Variants in CD84 observed in about 807,000 individuals in gnomAD.
The protein encoded by CD84 is CD84 molecule.
Under a neutral mutation model 33.8 loss-of-function variants are expected in CD84, and 22 were observed. That is an observed-to-expected ratio of 0.65 (90% CI 0.46 to 0.93). CD84 has a LOEUF of 0.93. Among genes scored for constraint, CD84 ranks in the 40% least tolerant of loss-of-function variants. The pLI is 0.00. For synonymous variants in CD84, 154 were observed against 145.2 expected (o/e 1.06, Z -0.44); for missense variants, 400 against 397.6 (o/e 1.01, Z -0.05).
chr1:160,551,719 A>G (rs1247865226), intron 4 of CD84, among the ~76,000 whole-genome samples: 1 of 152,010 alleles, frequency 6.6e-6, no homozygotes, highest in Admixed American at 6.6e-5. Flanking sequence ...AATTTTTTGT[A>G]TTTTTGGTAG....
In CD84 at chr1:160,579,421, A is replaced by G; in HGVS notation, c.17T>C (p.Leu6Pro). MAQHHLWILLLCLQTW... is the reference protein window; with the variant it reads MAQHHPWILLLCLQTW... ...TTGCAGGCAAAGGAGCAAGATCCAT[A>G]GGTGGTGCTGAGCCATCTCTTTCAG... The change falls in exon 1 of 7, where the codon CTA becomes CCA. Residue 6 changes from leucine to proline, a missense_variant. By Grantham distance (98) the Leu-to-Pro change is moderately conservative. Transcript: ENST00000368054. 6.2e-7 allele frequency: 1 copy of G among 1,613,284 alleles called. No homozygotes were observed. The highest frequency in any genetic ancestry group is 8.5e-7 in the Non-Finnish European group (1 of 1,179,428).
At chr1:160,553,183 A>G in intron 4 of CD84, 195 bp downstream of exon 4, 1 of 875,422 alleles carries the variant, frequency 1.1e-6, no homozygotes, top group Admixed American at 2.2e-5. Context: ...GATCTCAGGA[A>G]TGGATTCTGA....
chr1:160,550,237 T>C (rs1403175851), intron 5 of CD84, among the ~76,000 whole-genome samples: 1 of 151,924 alleles, frequency 6.6e-6, no homozygotes, highest in Non-Finnish European at 1.5e-5. Context: ...GATCCCATGG[T>C]TCAGGATGAG....
At chr1:160,563,544 G>A (rs1157289091) in intron 2 of CD84, among the ~76,000 whole-genome samples, 3 of 152,050 alleles carry the variant, frequency 2.0e-5, no homozygotes, top group Non-Finnish European at 4.4e-5. Flanking sequence ...GGAGATGAAT[G>A]ATGAGAACAC....
At chr1:160,569,538 A>ACACACG (rs1553233848) in intron 1 of CD84, among the ~76,000 whole-genome samples, 2 of 88,158 alleles carry the variant, frequency 2.3e-5, no homozygotes, top group African/African-American at 7.2e-5. Flanking sequence ...ACACACACAC[A>ACACACG]CACGCACGCA....
intron 1 of CD84, among the ~76,000 whole-genome samples, chr1:160,573,907 G>A (rs1238864806): frequency 6.6e-6 from 1 of 151,930 alleles, no homozygotes; most frequent in Non-Finnish European, 1.5e-5. Context: ...GAAACACAAT[G>A]AGATCCCATC....
rs776360628 is a variant in CD84, at chr1:160,548,338, C to T, written c.922-17G>A. 6.2e-6 allele frequency: 10 copies of T among 1,613,882 alleles called. No individual in the cohort carries two copies. Among genetic ancestry groups the T allele is most frequent in the African/African-American group, 2.7e-5 (2 of 74,906 alleles). On this transcript the variant is annotated splice_polypyrimidine_tract_variant and intron_variant, in intron 6 of 6. Coordinates refer to ENST00000368054, the MANE Select transcript of CD84 (RefSeq NM_003874.4). ...TTTCCCCATCTGTGCAGGAGAGAAG[C>T]GTGAGAAAATGTTAACTGAGAGGTG...
At chr1:160,552,743 G>A in intron 4 of CD84, 2 of 1,545,522 alleles carry the variant, frequency 1.3e-6, no homozygotes, top group South Asian at 2.4e-5. Context: ...GGAACCTGAG[G>A]AATCAGACCC....
At chr1:160,559,540 C>A (rs1388259315) in intron 2 of CD84, among the ~76,000 whole-genome samples, 1 of 152,066 alleles carries the variant, frequency 6.6e-6, no homozygotes. Context: ...CTGAAGTATG[C>A]AGACCAGTGA....
At chr1:160,551,225 G>A in intron 4 of CD84, 190 bp from the exon 5 acceptor site, 1 of 571,912 alleles carries the variant, frequency 1.7e-6, no homozygotes, top group Non-Finnish European at 3.1e-6. Context: ...TCACCCACAG[G>A]TCAATGGGAA....
chr1:160,571,658 A>T (rs1484938605), intron 1 of CD84, among the ~76,000 whole-genome samples: 1 of 151,980 alleles, frequency 6.6e-6, no homozygotes, highest in Non-Finnish European at 1.5e-5. Context: ...AAAATAGAAG[A>T]GACTGGGGGC....
intron 2 of CD84, among the ~76,000 whole-genome samples, chr1:160,562,179 T>C (rs145912482): frequency 1.3e-5 from 2 of 152,312 alleles, no homozygotes; most frequent in African/African-American, 4.8e-5. Flanking sequence ...TTCTAAGCTA[T>C]TCACATTAGA....
rs1553230426 is a variant in CD84 at position 160,543,624 on chromosome 1, T to TTATTATTAC, written c.*4631_*4632insGTAATAATA. 9.4e-5 allele frequency: 14 copies of TTATTATTAC among 148,346 alleles called. No individual in the cohort carries two copies. The highest frequency in any genetic ancestry group is 3.2e-4 in the African/African-American group (13 of 40,798). 9.2% of individuals were successfully genotyped at this position (148,346 alleles called of 1,614,324 possible). On this transcript the variant is annotated 3_prime_UTR_variant, in exon 7 of 7. Transcript: ENST00000368054. ...TTATTTATTATTATTATTATTATTA[T>TTATTATTAC]TATTATTTAGGTATATCCCCTGTTC...
In CD84 at chr1:160,546,852, T is replaced by C; in HGVS notation, c.*1404A>G. 1 of 336,972 alleles carries C rather than the reference T, an allele frequency of 3.0e-6. No homozygotes were observed. The highest frequency in any genetic ancestry group is 7.6e-4 in the Middle Eastern group (1 of 1,316). 20.9% of individuals were successfully genotyped at this position (336,972 alleles called of 1,614,324 possible). On this transcript the variant is annotated 3_prime_UTR_variant, in exon 7 of 7. Coordinates refer to ENST00000368054, the MANE Select transcript of CD84 (RefSeq NM_003874.4). ...GCAGACATTATGCACATCTTCTACT[T>C]TGGGGCCTTGCAGCTCCTAACATAG...
chr1:160,556,684 C>T (rs564003519), intron 2 of CD84, among the ~76,000 whole-genome samples: 17 of 152,250 alleles, frequency 1.1e-4, no homozygotes, highest in South Asian at 1.0e-3. Context: ...AAATGATGTT[C>T]AATAAATGTT....
rs927499058 is a variant in CD84, at chr1:160,541,594, A to T, written c.*6662T>A. 6 of 152,234 alleles carry T rather than the reference A, an allele frequency of 3.9e-5. No individual in the cohort carries two copies. The highest frequency in any genetic ancestry group is 4.4e-5 in the Non-Finnish European group (3 of 68,068). The allele number at this position is 152,234 out of a possible 1,614,324, so 9.4% of individuals were successfully genotyped here. ...TTTTAGAAGGCCGCACAAGAGGGAT[A>T]TTCAGTCTGATGCTTGATGTAGACA... On this transcript the variant is annotated 3_prime_UTR_variant, in exon 7 of 7. Coordinates refer to ENST00000368054, the MANE Select transcript of CD84 (RefSeq NM_003874.4).
At chr1:160,551,588 G>A (rs1351904588) in intron 4 of CD84, among the ~76,000 whole-genome samples, 1 of 152,132 alleles carries the variant, frequency 6.6e-6, no homozygotes, top group East Asian at 1.9e-4. Flanking sequence ...CACCCACGTT[G>A]GAGTGCAGTG....
In CD84 at chr1:160,541,921, G is replaced by C. The variant is rs1245929051; in HGVS notation, c.*6335C>G. The C allele has an allele frequency of 1.3e-5, 2 of 152,332 alleles. No homozygotes were observed. Among genetic ancestry groups the C allele is most frequent in the African/African-American group, 4.8e-5 (2 of 41,550 alleles). The allele number at this position is 152,332 out of a possible 1,614,324, so 9.4% of individuals were successfully genotyped here. ...GCATGTAGAGGGAAGGTGTATTAGAGAATTAGGCCAATTAAGGGCACATGC... is the reference window on the plus strand; with the variant it reads ...GCATGTAGAGGGAAGGTGTATTAGACAATTAGGCCAATTAAGGGCACATGC... On this transcript the variant is annotated 3_prime_UTR_variant, in exon 7 of 7. Transcript: ENST00000368054.
intron 1 of CD84, among the ~76,000 whole-genome samples, chr1:160,568,458 A>G (rs957095480): frequency 6.6e-6 from 1 of 152,110 alleles, no homozygotes; most frequent in African/African-American, 2.4e-5. Context: ...CATGTTTAAG[A>G]TGAAGATTCT....
Sources: gnomAD v4.1 joint callset for allele counts (sites outside exome capture counted in the v4.1 genomes callset) on GRCh38, gnomAD v4.1.1 for gene constraint, MANE v1.5 for transcripts, NCBI Gene and HGNC (gene_info 2026-07-23, HGNC 2026-07-21) for gene names.